The following RELN variants were observed in gnomAD, a reference collection of about 807,000 sequenced individuals.
The protein encoded by RELN is reelin.
RELN carries 108 observed loss-of-function variants against 427.6 expected under a neutral mutation model. The ratio of observed to expected loss-of-function variants is 0.25; its 90% CI spans 0.22 to 0.30. The LOEUF (loss-of-function observed/expected upper bound fraction) is 0.30. RELN is among the 10% of genes least tolerant of loss of function. The probability of loss-of-function intolerance (pLI) is 1.00; values close to 1 mark genes in which losing one functional copy is unlikely to be tolerated. For synonymous variants in RELN, 1,524 were observed against 1,513.4 expected, an observed-to-expected ratio of 1.01 and a Z score of -0.16; for missense variants, 3,715 against 4,302.8, an observed-to-expected ratio of 0.86 and a Z score of 3.82.
intron 16 of RELN, among the ~76,000 whole-genome samples, chr7:103,646,064 T>TG (rs1445351369): frequency 2.6e-5 from 4 of 151,576 alleles, no homozygotes; most frequent in South Asian, 4.2e-4. Context: ...ACACAGAAAT[T>TG]AAAAAAAATT....
rs1232618042 is a variant in RELN, at chr7:103,593,785, CAGA to C, written c.3806_3808del (p.Phe1269del). 1.4e-5 allele frequency: 22 copies of C among 1,613,298 alleles called. No individual in the cohort carries two copies. Among genetic ancestry groups the C allele is most frequent in the African/African-American group, 2.7e-5 (2 of 74,898 alleles). On this transcript the variant is annotated inframe_deletion, in exon 27 of 65. Transcript: ENST00000428762. Reference sequence around the variant, plus strand: ...TATCATTGCTGATGGTGTGGCAGCACAGAAGGTTTCATTTTTAACCATTCCTTC... The same window carrying C: ...TATCATTGCTGATGGTGTGGCAGCACAGGTTTCATTTTTAACCATTCCTTC...
intron 38 of RELN, among the ~76,000 whole-genome samples, chr7:103,556,424 T>C (rs1830521265): frequency 1.0e-5 from 1 of 96,492 alleles, no homozygotes; most frequent in South Asian, 3.5e-4. Flanking sequence ...AGATTATATA[T>C]ACGTGTATAT....
chr7:103,909,725 A>G (rs1349988504), intron 2 of RELN, among the ~76,000 whole-genome samples: 1 of 27,506 alleles, frequency 3.6e-5, no homozygotes, highest in African/African-American at 1.4e-4. Flanking sequence ...TATATTAAAT[A>G]TATTTTTTAA....
At chr7:103,798,728 T>C (rs1472560875) in intron 3 of RELN, among the ~76,000 whole-genome samples, 2 of 152,210 alleles carry the variant, frequency 1.3e-5, no homozygotes, top group Non-Finnish European at 1.5e-5. Flanking sequence ...TTAGGGCTTC[T>C]ATCTAGGTGC....
At chr7:103,554,758 T>C (rs2117162523) in intron 38 of RELN, among the ~76,000 whole-genome samples, 1 of 152,078 alleles carries the variant, frequency 6.6e-6, no homozygotes, top group Non-Finnish European at 1.5e-5. Flanking sequence ...TTTTGAGTTG[T>C]GTTTTAGTGG....
intron 27 of RELN, 86 bp downstream of exon 27, chr7:103,593,596 T>A: frequency 1.7e-6 from 2 of 1,168,278 alleles, no homozygotes. Flanking sequence ...ATATGAAAAA[T>A]TTGTGTTCTT....
At chr7:103,621,603 G>A (rs968683886) in intron 20 of RELN, among the ~76,000 whole-genome samples, 1 of 152,104 alleles carries the variant, frequency 6.6e-6, no homozygotes, top group Admixed American at 6.5e-5. Context: ...AGTGTGACTG[G>A]AATAGACTGA....
chr7:103,529,135 A>C (rs1445624362), intron 46 of RELN, among the ~76,000 whole-genome samples: 1 of 4,838 alleles, frequency 2.1e-4, no homozygotes, highest in East Asian at 2.7e-3. Context: ...ACTCCATCTC[A>C]AAAAAAAAAA....
intron 4 of RELN, among the ~76,000 whole-genome samples, chr7:103,758,107 G>C (rs1381152096): frequency 6.6e-6 from 1 of 152,144 alleles, no homozygotes; most frequent in African/African-American, 2.4e-5. Context: ...GAATGTATTT[G>C]TGTTTCGATG....
rs148867359 is a variant in RELN, at chr7:103,635,734, G to A, written c.2304-148C>T. 1.7e-4 allele frequency: 112 copies of A among 670,674 alleles called. No individual in the cohort carries two copies. In the African/African-American group the frequency reaches 1.8e-3, roughly 11 times the overall value. 41.5% of individuals were successfully genotyped at this position (670,674 alleles called of 1,614,324 possible). On this transcript the variant is annotated intron_variant, in intron 18 of 64. Transcript: ENST00000428762. The stretch of plus-strand genomic sequence containing the variant: ...ATTTCATTGTTAGATATATGAATAT[G>A]TGTAGATATTTATGTACATGTTGAT...
rs375005848 is a variant in RELN, at chr7:103,572,904, TTGTTACATAGGTATACACA to T, written c.4512-663_4512-645del. ...GGATACATGTGCAGAACGTGCAGGT[TTGTTACATAGGTATACACA>T]TGCCATGGTGGTTTGCTGCACCCAT... On this transcript the variant is annotated intron_variant, in intron 30 of 64. Transcript: ENST00000428762. Among the ~76,000 whole-genome samples, 100 of 152,264 alleles carry T rather than the reference TTGTTACATAGGTATACACA, an allele frequency of 6.6e-4. 1 individual carries two copies. Among genetic ancestry groups the T allele is most frequent in the African/African-American group, 2.3e-3 (97 of 41,550 alleles).
chr7:103,617,805 G>C lies in RELN; in HGVS notation c.2703-6002C>G, dbSNP rs563492637. The stretch of plus-strand genomic sequence containing the variant: ...TAATGGGAGATGTTTGGGCCATAGC[G>C]GTGGATCTTTCATGAATGGCTTGGT... On this transcript the variant is annotated intron_variant, in intron 20 of 64. Coordinates refer to ENST00000428762, the MANE Select transcript of RELN (RefSeq NM_005045.4). Among the ~76,000 whole-genome samples the C allele has an allele frequency of 2.4e-4, 37 of 152,132 alleles. 1 individual carries two copies. Among genetic ancestry groups the C allele is most frequent in the African/African-American group, 8.9e-4 (37 of 41,504 alleles).
intron 2 of RELN, among the ~76,000 whole-genome samples, chr7:103,913,589 A>C (rs1795416963): frequency 6.6e-6 from 1 of 152,158 alleles, no homozygotes; most frequent in Non-Finnish European, 1.5e-5. Context: ...TGCCTTCTAT[A>C]ATTTTCCTCT....
rs550082845 is a variant in RELN, at chr7:103,615,234, A to G, written c.2703-3431T>C. 6.1e-4 allele frequency among the ~76,000 whole-genome samples: 93 copies of G among 152,312 alleles called. 1 individual carries two copies. Among genetic ancestry groups the G allele is most frequent in the African/African-American group, 2.1e-3 (88 of 41,586 alleles). ...GAATGGGGATAACTCCACTTAGGAC[A>G]GGATTACCTTTCTAGCCTTCTTTAT... On this transcript the variant is annotated intron_variant, in intron 20 of 64. Transcript: ENST00000428762.
Position 103,620,291 on chromosome 7 carries a change from CT to C in RELN, c.2703-8489del, listed in dbSNP as rs1330829182. On this transcript the variant is annotated intron_variant, in intron 20 of 64. Transcript: ENST00000428762. This position sits in a 1 kb window ranked among gnomAD's most constrained non-coding sequence, Gnocchi z 4.1. Reference sequence around the variant, plus strand: ...GTGGAACTGTGAGTCCATTAAATCTCTTTTTCTTTATAAATTGTCCAGTCTC... The same window carrying C: ...GTGGAACTGTGAGTCCATTAAATCTCTTTTCTTTATAAATTGTCCAGTCTC... 6.6e-6 allele frequency among the ~76,000 whole-genome samples: 1 copy of C among 152,128 alleles called. No individual in the cohort carries two copies. Among genetic ancestry groups the C allele is most frequent in the Non-Finnish European group, 1.5e-5 (1 of 68,022 alleles).
At position 103,749,414 on chromosome 7, in the gene RELN, C is replaced by T. The variant is rs1314364797; in HGVS notation, c.656+12G>A. ...TAAGCAAACCAAAGTGAGGAATGTT[C>T]CTGTAACTTACCATATATTTGGATT... On this transcript the variant is annotated intron_variant, in intron 6 of 64. Coordinates refer to ENST00000428762, the MANE Select transcript of RELN (RefSeq NM_005045.4). The T allele has an allele frequency of 1.2e-6, 2 of 1,603,358 alleles. No individual in the cohort carries two copies. The highest frequency in any genetic ancestry group is 3.3e-5 in the Admixed American group (2 of 59,974).
chr7:103,702,026 C>G (rs1303648841), intron 8 of RELN, among the ~76,000 whole-genome samples: 1 of 152,108 alleles, frequency 6.6e-6, no homozygotes, highest in Non-Finnish European at 1.5e-5. Context: ...TGGCAATGTA[C>G]TAAAAAGCCA....
intron 1 of RELN, among the ~76,000 whole-genome samples, chr7:103,936,777 T>C: frequency 6.8e-6 from 1 of 147,248 alleles, no homozygotes; most frequent in South Asian, 2.2e-4. Context: ...CACACACACT[T>C]TCCTGGTAAA....
At chr7:103,487,970 C>A (rs920720794) in intron 60 of RELN, among the ~76,000 whole-genome samples, 1 of 151,930 alleles carries the variant, frequency 6.6e-6, no homozygotes, top group Non-Finnish European at 1.5e-5. Context: ...ACGGTGAAAC[C>A]CCATCTCTAC....
Sources: gnomAD v4.1 joint callset for allele counts (sites outside exome capture counted in the v4.1 genomes callset) on GRCh38, gnomAD v4.1.1 for gene constraint, Gnocchi (gnomAD v3.1) non-coding constraint, MANE v1.5 for transcripts, NCBI Gene and HGNC (gene_info 2026-07-23, HGNC 2026-07-21) for gene names.